The following DPP9 variants were observed in gnomAD, a reference collection of about 807,000 sequenced individuals.
The protein encoded by DPP9 is dipeptidyl peptidase IV-related protein-2.
Under a neutral mutation model 110.7 loss-of-function variants are expected in DPP9, and 50 were observed. The ratio of observed to expected loss-of-function variants is 0.45; its 90% CI spans 0.36 to 0.57. The LOEUF is 0.57. DPP9 is among the 20% of genes least tolerant of loss of function. The pLI, the probability that DPP9 is intolerant of heterozygous loss-of-function variation, is 0.00. For missense variants in DPP9, 1,022 were observed against 1,217.9 expected, an observed-to-expected ratio of 0.84 and a Z score of 2.39; for synonymous variants, 561 against 514.4, an observed-to-expected ratio of 1.09 and a Z score of -1.23.
In DPP9 at chr19:4,702,035, G is replaced by A; in HGVS notation, c.1004C>T (p.Pro335Leu). 1 of 1,613,648 alleles carries A rather than the reference G, an allele frequency of 6.2e-7. No homozygotes were observed. The highest frequency in any genetic ancestry group is 8.5e-7 in the Non-Finnish European group (1 of 1,179,672). Residue 335 changes from proline (P) to leucine (L), a missense_variant, in exon 9 of 22, where the codon CCC becomes CTC. This residue lies in a region of DPP9 where 810 missense variants were observed against 920.6 expected (regional missense o/e 0.88). Transcript: ENST00000262960. ...ATGTACCGGGCACTCACCTGTCCTG[G>A]GGTACCGATACGAGTCCGTCTTCCT... ...EERKTDSYRYPRTGSKNPKIA... is the reference protein window; with the variant it reads ...EERKTDSYRYLRTGSKNPKIA...
Position 4,714,276 on chromosome 19 carries a change from G to C in DPP9, c.118C>G (p.Arg40Gly). 1 of 1,557,616 alleles carries C rather than the reference G, an allele frequency of 6.4e-7. No individual in the cohort carries two copies. Reference protein sequence around the residue: ...MATTGTPTADRGDAAATDDPA... With the variant: ...MATTGTPTADGGDAAATDDPA... ...TCATCTGTGGCGGCTGCGTCGCCTC[G>C]GTCGGCCGTTGGGGTCCCGGTGGTG... Residue 40 changes from arginine to glycine, a missense_variant, in exon 4 of 22, where the codon CGA becomes GGA. By Grantham distance (125) the Arg-to-Gly change is moderately radical (BLOSUM62 -2). Coordinates refer to ENST00000262960, the MANE Select transcript of DPP9 (RefSeq NM_139159.5).
At chr19:4,683,117 T>C in intron 19 of DPP9, 1 of 1,469,900 alleles carries the variant, frequency 6.8e-7, no homozygotes. Context: ...CTCCTCCTCA[T>C]CGCCGCCGCC....
Position 4,702,640 on chromosome 19 carries a change from G to T in DPP9, c.846C>A (p.Phe282Leu). The change falls in exon 8 of 22, where the codon TTC becomes TTA. Residue 282 changes from phenylalanine (F) to leucine (L), a missense_variant. Phe to Leu is a conservative substitution (Grantham distance 22). Coordinates refer to ENST00000262960, the MANE Select transcript of DPP9 (RefSeq NM_139159.5). ...TFVIQEEFDR[F>L]TGYWWCPTAS... ...CTGTGGGGCACCACCAGTACCCAGT[G>T]AAGCGGTCGAACTCTTCCTGTATGA... The T allele has an allele frequency of 6.2e-7, 1 of 1,604,260 alleles. No homozygotes were observed. The highest frequency in any genetic ancestry group is 8.5e-7 in the Non-Finnish European group (1 of 1,175,696).
intron 11 of DPP9, among the ~76,000 whole-genome samples, chr19:4,696,191 G>A (rs556575107): frequency 2.2e-4 from 34 of 152,182 alleles, no homozygotes; most frequent in African/African-American, 8.2e-4. Flanking sequence ...GTGAGCCACC[G>A]CACCTGGCCT....
At position 4,694,356 on chromosome 19, in the gene DPP9, T is replaced by G. The variant is rs2091599395; in HGVS notation, c.1516+305A>C. 1.0e-5 allele frequency: 5 copies of G among 498,048 alleles called. No homozygotes were observed. The highest frequency in any genetic ancestry group is 1.8e-5 in the Non-Finnish European group (5 of 282,018). The allele number at this position is 498,048 out of a possible 1,614,324, so 30.9% of individuals were successfully genotyped here. A position where few individuals can be genotyped will look rare whatever the true frequency, so the allele number is the denominator to read the frequency against. ...TGGCTCAGTGCCAATAAAACTTTAT[T>G]TATGAACACAGGTGGTGGGCCGGAT... is the stretch of plus-strand genomic sequence containing the variant. On this transcript the variant is annotated intron_variant, in intron 13 of 21. Coordinates refer to ENST00000262960, the MANE Select transcript of DPP9 (RefSeq NM_139159.5). This position sits in a 1 kb window ranked among gnomAD's most constrained non-coding sequence, Gnocchi z 4.0.
rs748677864 is a variant in DPP9, at chr19:4,700,947, G to A, written c.1013-670C>T. On this transcript the variant is annotated intron_variant, in intron 9 of 21. Transcript: ENST00000262960. The surrounding 1 kb of genome is among the most constrained non-coding windows in gnomAD (Gnocchi z 4.3). Reference sequence around the variant, plus strand: ...GAGCCTGTTTTCTCATCTGTCATACGAGGGGGAAAAGACTGACTTAGCTCA... The same window carrying A: ...GAGCCTGTTTTCTCATCTGTCATACAAGGGGGAAAAGACTGACTTAGCTCA... Among the ~76,000 whole-genome samples the A allele has an allele frequency of 1.4e-4, 21 of 152,190 alleles. 1 individual carries two copies. The highest frequency in any genetic ancestry group is 1.0e-3 in the South Asian group (5 of 4,832).
chr19:4,705,345 T>TA (rs2092529893), intron 5 of DPP9, among the ~76,000 whole-genome samples: 1 of 152,206 alleles, frequency 6.6e-6, no homozygotes, highest in Non-Finnish European at 1.5e-5. Context: ...CATCTCAGCC[T>TA]ACCAATTAGC....
At chr19:4,681,504 A>G (rs1050426307) in intron 20 of DPP9, among the ~76,000 whole-genome samples, 4 of 151,674 alleles carry the variant, frequency 2.6e-5, no homozygotes, top group Non-Finnish European at 5.9e-5. Context: ...TTTAGTAGAC[A>G]TGGGGTTTCA....
At chr19:4,702,984 G>A (rs1343272681) in intron 7 of DPP9, among the ~76,000 whole-genome samples, 1 of 151,758 alleles carries the variant, frequency 6.6e-6, no homozygotes, top group African/African-American at 2.4e-5. Flanking sequence ...GCTGAGCAGT[G>A]TCCCTGGCCT....
Position 4,702,739 on chromosome 19 carries a change from T to A in DPP9, c.770-23A>T. 5 of 1,494,066 alleles carry A rather than the reference T, an allele frequency of 3.3e-6. No homozygotes were observed. The Admixed American group carries it at 8.4e-5, about 25-fold the overall frequency. The allele number at this position is 1,494,066 out of a possible 1,614,324, so 92.6% of individuals were successfully genotyped here. A position where few individuals can be genotyped will look rare whatever the true frequency, so the allele number is the denominator to read the frequency against. On this transcript the variant is annotated intron_variant, in intron 7 of 21. Transcript: ENST00000262960. Reference sequence around the variant, plus strand: ...AACCTAGGGGGAGGGACGGAGAGCATCAACAAGGGGTGAGCAGCCTGCTAA... The same window carrying A: ...AACCTAGGGGGAGGGACGGAGAGCAACAACAAGGGGTGAGCAGCCTGCTAA...
chr19:4,688,939 C>G, intron 15 of DPP9, 47 bp from the exon 16 acceptor site: 1 of 1,493,898 alleles, frequency 6.7e-7, no homozygotes. Flanking sequence ...CCGCTGCGCC[C>G]TTTCCACTGG....
chr19:4,701,255 G>A (rs907973055), intron 9 of DPP9, among the ~76,000 whole-genome samples: 6 of 152,136 alleles, frequency 3.9e-5, no homozygotes, highest in African/African-American at 1.4e-4. Context: ...ACCACTTGAG[G>A]CCAGGAGTTC....
chr19:4,682,651 AGGAGAAGCCCCGG>A lies in DPP9; in HGVS notation c.2474+32_2474+44del. On this transcript the variant is annotated intron_variant, in intron 20 of 21. Coordinates refer to ENST00000262960, the MANE Select transcript of DPP9 (RefSeq NM_139159.5). The surrounding 1 kb of genome is among the most constrained non-coding windows in gnomAD (Gnocchi z 7.1). ...ATAGAGACAGCTGGTGCCGGGGTGC[AGGAGAAGCCCCGG>A]GGAGGAGCGCAGGGCAGGGCAGTGG... 1 of 1,596,802 alleles carries A rather than the reference AGGAGAAGCCCCGG, an allele frequency of 6.3e-7. No homozygotes were observed. The highest frequency in any genetic ancestry group is 1.1e-5 in the South Asian group (1 of 88,388).
rs1330438593 is a variant in DPP9, at chr19:4,708,203, C to G, written c.314-2233G>C. 2.6e-5 allele frequency among the ~76,000 whole-genome samples: 4 copies of G among 152,134 alleles called. No homozygotes were observed. In the East Asian group the frequency reaches 7.7e-4, roughly 29 times the overall value. Reference sequence around the variant, plus strand: ...ACCGAAAGCCAGCCCAGGCCCTGAGCCAAAATCCTTAAACCCTCACATAAA... The same window carrying G: ...ACCGAAAGCCAGCCCAGGCCCTGAGGCAAAATCCTTAAACCCTCACATAAA... On this transcript the variant is annotated intron_variant, in intron 4 of 21. Transcript: ENST00000262960.
Position 4,693,562 on chromosome 19 carries a change from C to T in DPP9, c.1516+1099G>A, listed in dbSNP as rs1004419818. ...GCCGCCTCCCTCCTCTCTGATCCCC[C>T]ACCCTTTCCACTGCAAACGGTGTGG... On this transcript the variant is annotated intron_variant, in intron 13 of 21. Coordinates refer to ENST00000262960, the MANE Select transcript of DPP9 (RefSeq NM_139159.5). The surrounding 1 kb of genome is among the most constrained non-coding windows in gnomAD (Gnocchi z 5.0). 2.0e-5 allele frequency among the ~76,000 whole-genome samples: 3 copies of T among 152,144 alleles called. No homozygotes were observed. Among genetic ancestry groups the T allele is most frequent in the African/African-American group, 4.8e-5 (2 of 41,448 alleles).
At chr19:4,701,655 T>A (rs966610982) in intron 9 of DPP9, among the ~76,000 whole-genome samples, 5 of 152,238 alleles carry the variant, frequency 3.3e-5, no homozygotes, top group African/African-American at 1.2e-4. Context: ...TTATTTGTAA[T>A]CCAAACTTCA....
At chr19:4,702,217 C>G (rs894927484) in intron 8 of DPP9, 62 bp from the exon 9 acceptor site, 2 of 1,534,604 alleles carry the variant, frequency 1.3e-6, no homozygotes, top group Non-Finnish European at 8.8e-7. Context: ...GCCATCAGCA[C>G]CCCCCGCCCC....
intron 13 of DPP9, among the ~76,000 whole-genome samples, chr19:4,692,742 G>C (rs2091437126): frequency 6.6e-6 from 1 of 152,160 alleles, no homozygotes. Context: ...TTTCCCACAG[G>C]GGGCAAAATG....
Position 4,714,211 on chromosome 19 carries a change from G to A in DPP9, c.183C>T (p.Asp61=), listed in dbSNP as rs753719156. The change falls in exon 4 of 22, where the codon GAC becomes GAT. Residue 61 remains aspartate (D), a synonymous_variant. Transcript: ENST00000262960. ...ARFQVQKHSW[D]GLRSIIHGSR... is the part of the protein sequence containing the mutation. ...TGCCGTGGATGATGCTCCGGAGCCC[G>A]TCCCACGAGTGCTTCTGCACCTGGA... The A allele has an allele frequency of 3.7e-5, 60 of 1,605,040 alleles. No individual in the cohort carries two copies. Among genetic ancestry groups the A allele is most frequent in the Middle Eastern group, 1.7e-4 (1 of 6,050 alleles).
Sources: gnomAD v4.1 joint callset for allele counts (sites outside exome capture counted in the v4.1 genomes callset) on GRCh38, gnomAD v4.1.1 for gene constraint, gnomAD v4.1.1 regional missense constraint, Gnocchi (gnomAD v3.1) non-coding constraint, MANE v1.5 for transcripts, NCBI Gene and HGNC (gene_info 2026-07-23, HGNC 2026-07-21) for gene names.